Variants in GJB7 observed in about 807,000 individuals in gnomAD.
GJB7 encodes gap junction beta-7 protein.
For synonymous variants in GJB7, 87 were observed against 95.2 expected (o/e 0.91, Z 0.50); for missense variants, 253 against 256.8 (o/e 0.99, Z 0.10).
At chr6:87,292,395 CCT>C (rs1776189095) in intron 2 of GJB7, among the ~76,000 whole-genome samples, 1 of 152,106 alleles carries the variant, frequency 6.6e-6, no homozygotes, top group African/African-American at 2.4e-5. Context: ...CTTCATAAGT[CCT>C]ATTCTTGGAA....
intron 2 of GJB7, among the ~76,000 whole-genome samples, chr6:87,296,817 A>G (rs770540740): frequency 2.0e-5 from 3 of 152,198 alleles, no homozygotes; most frequent in Admixed American, 2.0e-4. Flanking sequence ...ATGAATTTAT[A>G]TAAAGGGAAA....
At chr6:87,299,309 T>C (rs771270446) in intron 2 of GJB7, 11 of 480,300 alleles carry the variant, frequency 2.3e-5, no homozygotes, top group Non-Finnish European at 3.4e-5. Context: ...GTCAACATCA[T>C]TTCTGATGCA....
At chr6:87,294,535 C>CA (rs1776222344) in intron 2 of GJB7, among the ~76,000 whole-genome samples, 1 of 152,252 alleles carries the variant, frequency 6.6e-6, no homozygotes, top group African/African-American at 2.4e-5. Flanking sequence ...AACCATCACA[C>CA]ATGTAGAACT....
intron 2 of GJB7, among the ~76,000 whole-genome samples, chr6:87,300,693 T>C (rs1036843517): frequency 6.6e-6 from 1 of 152,242 alleles, no homozygotes; most frequent in African/African-American, 2.4e-5. Flanking sequence ...ATTCCTGATA[T>C]TGGGTGCAAC....
At chr6:87,306,096 C>T (rs1490452805) in intron 2 of GJB7, among the ~76,000 whole-genome samples, 1 of 151,844 alleles carries the variant, frequency 6.6e-6, no homozygotes, top group Non-Finnish European at 1.5e-5. Flanking sequence ...CTAGGCATTA[C>T]CATTCAGGAC....
rs768049361 is a variant in GJB7 at position 87,284,878 on chromosome 6, C to G, written c.35G>C (p.Gly12Ala). 2.5e-6 allele frequency: 4 copies of G among 1,609,842 alleles called. No individual in the cohort carries two copies. The South Asian group carries it at 3.3e-5, about 13-fold the overall frequency. The change falls in exon 3 of 3, where the codon GGA becomes GCA. Residue 12 changes from glycine (G) to alanine (A), a missense_variant. By Grantham distance (60) the Gly-to-Ala change is moderately conservative (BLOSUM62 0). Transcript: ENST00000525899. ...SWMFLRDLLS[G>A]VNKYSTGTGW... is the part of the protein sequence containing the mutation. The stretch of plus-strand genomic sequence containing the variant: ...AGTCCCAGTGGAGTATTTATTTACT[C>G]CACTCAGGAGATCTCTGAGGAACAT...
At chr6:87,293,248 C>G (rs2057230443) in intron 2 of GJB7, among the ~76,000 whole-genome samples, 1 of 152,120 alleles carries the variant, frequency 6.6e-6, no homozygotes, top group Admixed American at 6.5e-5. Context: ...CCAGGATGGT[C>G]TCCATCTCTT....
At position 87,292,186 on chromosome 6, in the gene GJB7, G is replaced by A. The variant is rs115928535; in HGVS notation, c.-27-7247C>T. 4.8e-3 allele frequency among the ~76,000 whole-genome samples: 731 copies of A among 152,268 alleles called. 3 individuals carry two copies. The highest frequency in any genetic ancestry group is 0.017 in the African/African-American group (700 of 41,556). On this transcript the variant is annotated intron_variant, in intron 2 of 2. Coordinates refer to ENST00000525899, the MANE Select transcript of GJB7 (RefSeq NM_198568.3). ...CTGAAACTGGAAAAAATCCAAAATCGCTCATATACACGCAGTTCATTGAAT... is the reference window on the plus strand; with the variant it reads ...CTGAAACTGGAAAAAATCCAAAATCACTCATATACACGCAGTTCATTGAAT...
intron 2 of GJB7, among the ~76,000 whole-genome samples, chr6:87,311,147 G>A (rs891122801): frequency 6.6e-6 from 1 of 152,156 alleles, no homozygotes; most frequent in Admixed American, 6.5e-5. Flanking sequence ...CAAAAAGACT[G>A]ACACTATTAA....
intron 2 of GJB7, among the ~76,000 whole-genome samples, chr6:87,302,233 C>T (rs971133686): frequency 1.3e-5 from 2 of 152,056 alleles, no homozygotes; most frequent in South Asian, 2.1e-4. Context: ...CTTCTCCAAG[C>T]TAAAGGAGGA....
intron 2 of GJB7, among the ~76,000 whole-genome samples, chr6:87,302,238 G>A (rs1429598885): frequency 2.6e-5 from 4 of 152,130 alleles, no homozygotes; most frequent in Non-Finnish European, 4.4e-5. Flanking sequence ...CCAAGCTAAA[G>A]GAGGAAGTTC....
At chr6:87,296,930 GTAGATT>G (rs1333519483) in intron 2 of GJB7, among the ~76,000 whole-genome samples, 1 of 152,196 alleles carries the variant, frequency 6.6e-6, no homozygotes, top group Non-Finnish European at 1.5e-5. Flanking sequence ...TAAATACAAG[GTAGATT>G]TACCCTGAAG....
chr6:87,299,427 A>G (rs1776289942), intron 2 of GJB7: 2 of 469,076 alleles, frequency 4.3e-6, no homozygotes, highest in South Asian at 3.3e-5. Flanking sequence ...ATATTTCTCC[A>G]TACTTTATTA....
In GJB7 at chr6:87,284,548, T is replaced by A; in HGVS notation, c.365A>T (p.Tyr122Phe). The change falls in exon 3 of 3, where the codon TAC (tyrosine) becomes TTC (phenylalanine). Residue 122 changes from tyrosine to phenylalanine, a missense_variant. Coordinates refer to ENST00000525899, the MANE Select transcript of GJB7 (RefSeq NM_198568.3). Reference protein sequence around the residue: ...SPGTMDGGLWYAYLISLIVKT... With the variant: ...SPGTMDGGLWFAYLISLIVKT... ...AACAATGAGGCTGATAAGATAAGCG[T>A]ACCATAGGCCCCCATCCATTGTACC... The A allele has an allele frequency of 6.2e-7, 1 of 1,614,192 alleles. No homozygotes were observed. Among genetic ancestry groups the A allele is most frequent in the Admixed American group, 1.7e-5 (1 of 60,024 alleles).
At chr6:87,310,323 C>G (rs960144010) in intron 2 of GJB7, among the ~76,000 whole-genome samples, 1 of 151,852 alleles carries the variant, frequency 6.6e-6, no homozygotes, top group Admixed American at 6.6e-5. Flanking sequence ...TTCAGTGTTT[C>G]GAGGAATTGA....
At chr6:87,288,432 A>G (rs1265582874) in intron 2 of GJB7, among the ~76,000 whole-genome samples, 1 of 152,220 alleles carries the variant, frequency 6.6e-6, no homozygotes, top group African/African-American at 2.4e-5. Flanking sequence ...TCGGAAAATC[A>G]TATAGTGAAT....
chr6:87,303,881 C>A (rs1215767269), intron 2 of GJB7, among the ~76,000 whole-genome samples: 1 of 152,178 alleles, frequency 6.6e-6, no homozygotes, highest in Non-Finnish European at 1.5e-5. Context: ...TCACTCAAAA[C>A]CACACAACTA....
intron 2 of GJB7, among the ~76,000 whole-genome samples, chr6:87,320,531 A>T (rs559755154): frequency 6.6e-6 from 1 of 152,300 alleles, no homozygotes; most frequent in South Asian, 2.1e-4. Context: ...AATGTTAAGG[A>T]CCATGGCCTG....
chr6:87,315,113 C>T (rs1216685644), intron 2 of GJB7, among the ~76,000 whole-genome samples: 1 of 152,070 alleles, frequency 6.6e-6, no homozygotes, highest in Non-Finnish European at 1.5e-5. Context: ...GTGGCAAAAG[C>T]ACCACTCAGT....
Sources: allele counts gnomAD v4.1 joint callset (sites outside exome capture counted in the v4.1 genomes callset), GRCh38; gene constraint gnomAD v4.1.1; transcripts MANE v1.5; gene names NCBI Gene and HGNC (gene_info 2026-07-23, HGNC 2026-07-21).